PDE10A: variants seen among roughly 807,000 people sequenced by gnomAD.
The protein encoded by PDE10A is phosphodiesterase 10A.
Under a neutral mutation model 97.7 loss-of-function variants are expected in PDE10A, and 39 were observed. The observed-to-expected ratio is 0.40, with a 90% confidence interval of 0.31 to 0.52. The LOEUF is 0.52. Among genes scored for constraint, PDE10A ranks in the 20% least tolerant of loss-of-function variants. PDE10A has a pLI of 0.56. For missense variants in PDE10A, 731 were observed against 1,047.8 expected, an observed-to-expected ratio of 0.70 and a Z score of 4.17; for synonymous variants, 371 against 376.8, an observed-to-expected ratio of 0.98 and a Z score of 0.18.
At chr6:165,347,509 A>G (rs1782394119) in intron 18 of PDE10A, among the ~76,000 whole-genome samples, 1 of 152,224 alleles carries the variant, frequency 6.6e-6, no homozygotes, top group African/African-American at 2.4e-5. Flanking sequence ...TCCATTACAG[A>G]GAGAAAAATA....
At chr6:165,955,085 C>T (rs1562324879) in intron 1 of PDE10A, among the ~76,000 whole-genome samples, 1 of 152,104 alleles carries the variant, frequency 6.6e-6, no homozygotes, top group Non-Finnish European at 1.5e-5. Flanking sequence ...CGTGACAGCT[C>T]CTCCGCTGCC....
chr6:165,697,919 A>G (rs1365940151), intron 1 of PDE10A, among the ~76,000 whole-genome samples: 1 of 152,222 alleles, frequency 6.6e-6, no homozygotes, highest in Non-Finnish European at 1.5e-5. Flanking sequence ...GGAGAAAAGA[A>G]GAAAGAGCAT....
intron 1 of PDE10A, among the ~76,000 whole-genome samples, chr6:165,590,815 C>T (rs1388536628): frequency 1.3e-5 from 2 of 151,994 alleles, no homozygotes; most frequent in Admixed American, 6.6e-5. Flanking sequence ...GGCATGAACC[C>T]GGGAGGCGGA....
chr6:165,610,672 A>G (rs1398961248), intron 1 of PDE10A, among the ~76,000 whole-genome samples: 3 of 152,208 alleles, frequency 2.0e-5, no homozygotes, highest in African/African-American at 7.2e-5. Context: ...CCCAGCTTGT[A>G]GGCAATGAGC....
At chr6:165,341,010 A>G (rs1258197139) in intron 19 of PDE10A, among the ~76,000 whole-genome samples, 1 of 152,262 alleles carries the variant, frequency 6.6e-6, no homozygotes, top group Non-Finnish European at 1.5e-5. Flanking sequence ...CAAAGACCAC[A>G]TTATTAATTA....
rs1243815804 is a variant in PDE10A, at chr6:165,655,325, T to C, written c.865+6622A>G. Among the ~76,000 whole-genome samples, 2 of 152,156 alleles carry C rather than the reference T, an allele frequency of 1.3e-5. No homozygotes were observed. The highest frequency in any genetic ancestry group is 2.4e-5 in the African/African-American group (1 of 41,442). On this transcript the variant is annotated intron_variant, in intron 1 of 21. Transcript: ENST00000539869. The surrounding 1 kb of genome is among the most constrained non-coding windows in gnomAD (Gnocchi z 4.5). ...TTTATCCAACTGCCTTCCTAGCATA[T>C]GCATCTCAGGCTGAACACCACCAAA...
upstream of PDE10A, among the ~76,000 whole-genome samples, chr6:165,668,018 A>G (rs571790126): frequency 8.5e-5 from 13 of 152,324 alleles, no homozygotes; most frequent in African/African-American, 3.1e-4. Flanking sequence ...GTTAGAACAC[A>G]ACAATGAGTT....
intron 11 of PDE10A, among the ~76,000 whole-genome samples, chr6:165,416,520 A>G (rs1788325760): frequency 6.6e-6 from 1 of 152,182 alleles, no homozygotes; most frequent in Admixed American, 6.5e-5. Context: ...GAGATCAAAC[A>G]ATCAACTAGT....
chr6:165,618,998 T>G lies in PDE10A; in HGVS notation c.865+42949A>C, dbSNP rs1316690915. On this transcript the variant is annotated intron_variant, in intron 1 of 21. Coordinates refer to ENST00000539869, the MANE Select transcript of PDE10A (RefSeq NM_001385079.1). The stretch of plus-strand genomic sequence containing the variant: ...TGTAGTCTAGTGTAGTGTAGTCTAG[T>G]GTAGTGTAGTCTAGTGTAGTCTAGC... 5.3e-5 allele frequency among the ~76,000 whole-genome samples: 8 copies of G among 152,080 alleles called. 1 individual carries two copies. The highest frequency in any genetic ancestry group is 1.7e-4 in the African/African-American group (7 of 41,510).
chr6:165,631,943 G>A (rs1788650315), intron 1 of PDE10A, among the ~76,000 whole-genome samples: 1 of 152,124 alleles, frequency 6.6e-6, no homozygotes. Flanking sequence ...GCTCATGCCT[G>A]TAATCCCAGC....
intron 1 of PDE10A, among the ~76,000 whole-genome samples, chr6:165,560,211 C>T (rs1224473432): frequency 6.6e-6 from 1 of 152,104 alleles, no homozygotes; most frequent in Non-Finnish European, 1.5e-5. Flanking sequence ...GTTCATGATT[C>T]AAAGCACAAG....
At chr6:165,719,082 A>T (rs1437928620) in intron 1 of PDE10A, among the ~76,000 whole-genome samples, 1 of 152,192 alleles carries the variant, frequency 6.6e-6, no homozygotes, top group Non-Finnish European at 1.5e-5. Context: ...ATAAAATTGA[A>T]GAAATTCCCC....
chr6:165,579,451 C>G (rs907606538), intron 1 of PDE10A, among the ~76,000 whole-genome samples: 5 of 152,136 alleles, frequency 3.3e-5, no homozygotes. Context: ...GATACAAGTC[C>G]TCCCTGACTC....
intron 1 of PDE10A, among the ~76,000 whole-genome samples, chr6:165,777,973 C>T (rs1221216696): frequency 6.6e-6 from 1 of 152,124 alleles, no homozygotes; most frequent in Non-Finnish European, 1.5e-5. Flanking sequence ...ATGTGTCTAT[C>T]TCAAGAATGA....
chr6:165,622,292 GTGTA>G (rs754051906), intron 1 of PDE10A, among the ~76,000 whole-genome samples: 81 of 149,636 alleles, frequency 5.4e-4, no homozygotes, highest in Admixed American at 1.7e-3. Context: ...GTGTGTGTGT[GTGTA>G]TGTGCATGCG....
At chr6:165,982,769 CAA>C (rs143203417) in intron 1 of PDE10A, among the ~76,000 whole-genome samples, 21,858 of 150,042 alleles carry the variant, frequency 0.15, 1,839 homozygotes, top group Non-Finnish European at 0.19. Flanking sequence ...GGGTTTTCAT[CAA>C]AGAGTCCTCC....
intron 13 of PDE10A, among the ~76,000 whole-genome samples, chr6:165,397,140 T>C (rs1786233990): frequency 6.6e-6 from 1 of 152,172 alleles, no homozygotes; most frequent in Non-Finnish European, 1.5e-5. Flanking sequence ...AGTTGAAATC[T>C]TGTGTATCTG....
rs1310179564 is a variant in PDE10A at position 165,418,203 on chromosome 6, A to G, written c.1796+432T>C. 1.3e-5 allele frequency among the ~76,000 whole-genome samples: 2 copies of G among 152,346 alleles called. No individual in the cohort carries two copies. The highest frequency in any genetic ancestry group is 3.9e-4 in the East Asian group (2 of 5,186). On this transcript the variant is annotated intron_variant, in intron 11 of 21. Coordinates refer to ENST00000539869, the MANE Select transcript of PDE10A (RefSeq NM_001385079.1). The surrounding 1 kb of genome is among the most constrained non-coding windows in gnomAD (Gnocchi z 4.8). ...GTCAGTCACAGAGTGTATTTAAGTC[A>G]TCAAATATACCAGATCAATTTCTAC...
chr6:165,558,082 G>C (rs1417181977), intron 1 of PDE10A, among the ~76,000 whole-genome samples: 1 of 152,096 alleles, frequency 6.6e-6, no homozygotes, highest in African/African-American at 2.4e-5. Context: ...AATACCATTT[G>C]ACCCAGCCAT....
Sources: allele counts gnomAD v4.1 joint callset (sites outside exome capture counted in the v4.1 genomes callset), GRCh38; gene constraint gnomAD v4.1.1; non-coding constraint Gnocchi (gnomAD v3.1); transcripts MANE v1.5; gene names NCBI Gene and HGNC (gene_info 2026-07-23, HGNC 2026-07-21).